Variants in MAK observed in about 807,000 individuals in gnomAD.
MAK encodes male germ cell associated kinase.
A neutral mutation model predicts 82.6 loss-of-function variants in MAK; 65 were observed. That is an observed-to-expected ratio of 0.79 (90% CI 0.64 to 0.97). The LOEUF (loss-of-function observed/expected upper bound fraction) is 0.97, where lower values mean the gene tolerates loss of function less well. Among genes scored for constraint, MAK ranks in the 50% least tolerant of loss-of-function variants. The probability of loss-of-function intolerance (pLI) is 0.00; values close to 1 mark genes in which losing one functional copy is unlikely to be tolerated. For synonymous variants in MAK, 250 were observed against 274.2 expected (o/e 0.91, Z 0.87); for missense variants, 703 against 780.2 (o/e 0.90, Z 1.18).
At chr6:10,792,408 C>T (rs987741315) in intron 9 of MAK, among the ~76,000 whole-genome samples, 3 of 152,218 alleles carry the variant, frequency 2.0e-5, no homozygotes, top group African/African-American at 7.2e-5. Context: ...CTACCCACCA[C>T]CCGATTTCTT....
chr6:10,779,491 T>C (rs1279204920), intron 11 of MAK: 2 of 985,128 alleles, frequency 2.0e-6, no homozygotes, highest in Admixed American at 6.2e-5. Context: ...TATAATGTCA[T>C]GCTGCCCTGC....
intron 14 of MAK, 94 bp from the exon 15 acceptor site, chr6:10,764,700 C>T: frequency 8.2e-7 from 1 of 1,217,378 alleles, no homozygotes; most frequent in Non-Finnish European, 1.2e-6. Flanking sequence ...TGGGGAAAAT[C>T]TGAATTTATG....
chr6:10,769,209 T>G (rs555491187), intron 14 of MAK, among the ~76,000 whole-genome samples: 1 of 152,304 alleles, frequency 6.6e-6, no homozygotes, highest in South Asian at 2.1e-4. Context: ...GCAAGGCTTT[T>G]TCTCTATAAA....
At chr6:10,788,651 G>T (rs1774802853) in intron 10 of MAK, among the ~76,000 whole-genome samples, 1 of 152,048 alleles carries the variant, frequency 6.6e-6, no homozygotes, top group African/African-American at 2.4e-5. Context: ...CAGGAGAATT[G>T]CTTGAACCCT....
Position 10,770,143 on chromosome 6 carries a change from A to G in MAK, c.1760T>C (p.Ile587Thr). ...KKEVQSAGQR[I>T]HLAPLNATAS... Reference sequence around the variant, plus strand: ...CGTTGCATTGAGAGGTGCTAAGTGGATCCTCTGGCCAGCTGACTGCACTTC... The same window carrying G: ...CGTTGCATTGAGAGGTGCTAAGTGGGTCCTCTGGCCAGCTGACTGCACTTC... The change falls in exon 14 of 15, where the codon ATC becomes ACC. Residue 587 changes from isoleucine to threonine, a missense_variant. Physicochemically the swap from Ile to Thr is moderately conservative, Grantham distance 89. Transcript: ENST00000354489. 6.2e-7 allele frequency: 1 copy of G among 1,614,158 alleles called. No individual in the cohort carries two copies. The highest frequency in any genetic ancestry group is 1.1e-5 in the South Asian group (1 of 91,082).
intron 10 of MAK, among the ~76,000 whole-genome samples, chr6:10,789,949 A>G (rs1284261640): frequency 6.6e-6 from 1 of 152,150 alleles, no homozygotes; most frequent in Non-Finnish European, 1.5e-5. Flanking sequence ...GAGCCTCCGC[A>G]CCCAGCCCAA....
At chr6:10,818,134 T>C (rs1777635958) in intron 3 of MAK, among the ~76,000 whole-genome samples, 163 bp from the exon 4 acceptor site, 1 of 152,240 alleles carries the variant, frequency 6.6e-6, no homozygotes. Flanking sequence ...CTTTAAGTAA[T>C]GAACGTTAAG....
chr6:10,795,928 A>G (rs1205018707), intron 9 of MAK, 70 bp downstream of exon 9: 4 of 1,505,910 alleles, frequency 2.7e-6, no homozygotes, highest in Non-Finnish European at 3.7e-6. Context: ...ATTATTAGAA[A>G]TGCCTCGAAA....
chr6:10,813,398 G>A (rs183337602), intron 5 of MAK, among the ~76,000 whole-genome samples: 48 of 150,256 alleles, frequency 3.2e-4, no homozygotes, highest in African/African-American at 9.3e-4. Context: ...CAGGTGATCC[G>A]CCTGCCTTGG....
intron 14 of MAK, among the ~76,000 whole-genome samples, chr6:10,767,586 A>AC: frequency 6.6e-6 from 1 of 152,202 alleles, no homozygotes; most frequent in East Asian, 1.9e-4. Context: ...CAGGCAGATC[A>AC]CGAGGTCAAG....
At chr6:10,790,895 C>T (rs1157505359) in intron 10 of MAK, among the ~76,000 whole-genome samples, 1 of 152,200 alleles carries the variant, frequency 6.6e-6, no homozygotes, top group African/African-American at 2.4e-5. Context: ...AGTTCTCACT[C>T]TGAGTTCATG....
rs1561991914 is a variant in MAK at position 10,815,938 on chromosome 6, AT to A, written c.278+1911del. ...TATATATATATATATATATATATAT[AT>A]ATATATATGTATGTTTTCTTTTTTG... On this transcript the variant is annotated intron_variant, in intron 4 of 14. Transcript: ENST00000354489. 9.9e-5 allele frequency among the ~76,000 whole-genome samples: 13 copies of A among 131,384 alleles called. 2 individuals are homozygous for A. The highest frequency in any genetic ancestry group is 4.1e-4 in the African/African-American group (13 of 31,364). The allele number at this position is 131,384 out of a possible 152,430, so 86.2% of individuals were successfully genotyped here.
At chr6:10,794,601 A>T (rs1224848424) in intron 9 of MAK, among the ~76,000 whole-genome samples, 1 of 152,220 alleles carries the variant, frequency 6.6e-6, no homozygotes, top group Admixed American at 6.5e-5. Flanking sequence ...TTGGGAGTGT[A>T]TACCCAGTGG....
chr6:10,784,942 C>T (rs1285030516), intron 10 of MAK: 1 of 468,028 alleles, frequency 2.1e-6, no homozygotes, highest in South Asian at 1.5e-5. Context: ...AATTTACAAT[C>T]AATGAGGTTG....
At position 10,764,478 on chromosome 6, in the gene MAK, C is replaced by A. The variant is rs567613995; in HGVS notation, c.1921G>T (p.Val641Leu). 1 of 1,613,928 alleles carries A rather than the reference C, an allele frequency of 6.2e-7. No individual in the cohort carries two copies. Among genetic ancestry groups the A allele is most frequent in the Non-Finnish European group, 8.5e-7 (1 of 1,179,996 alleles). Residue 641 changes from valine to leucine, a missense_variant, in exon 15 of 15, where the codon GTG becomes TTG. Coordinates refer to ENST00000354489, the MANE Select transcript of MAK (RefSeq NM_001242957.3). Reference protein sequence around the residue: ...IPSVHGRTDWVAKYGGHR With the variant: ...IPSVHGRTDWLAKYGGHR ...TACCGGTGGCCTCCATACTTGGCCA[C>A]CCAGTCTGTCCTCCCATGCACTGAG...
intron 1 of MAK, among the ~76,000 whole-genome samples, chr6:10,837,433 A>T (rs917557579): frequency 6.6e-6 from 1 of 152,248 alleles, no homozygotes; most frequent in Non-Finnish European, 1.5e-5. Flanking sequence ...CGGTGCCTGC[A>T]GTGGAAGCAG....
rs1447907221 is a variant in MAK, at chr6:10,803,872, A to G, written c.511T>C (p.Leu171=). The G allele has an allele frequency of 6.2e-7, 1 of 1,614,012 alleles. No individual in the cohort carries two copies. The highest frequency in any genetic ancestry group is 1.3e-5 in the African/African-American group (1 of 74,946). Residue 171 remains leucine, a synonymous_variant, in exon 7 of 15, where the codon TTA becomes CTA. Coordinates refer to ENST00000354489, the MANE Select transcript of MAK (RefSeq NM_001242957.3). ...STRWYRAPEV[L]LRSSVYSSPI... is the part of the protein sequence containing the mutation. ...GAACTATAAACTGAAGATCTCAGTA[A>G]AACTTCAGGGGCACGATACCTATGA...
Position 10,801,875 on chromosome 6 carries a change from A to G in MAK, c.831+17T>C. 1.2e-6 allele frequency: 2 copies of G among 1,613,400 alleles called. No individual in the cohort carries two copies. Among genetic ancestry groups the G allele is most frequent in the South Asian group, 2.2e-5 (2 of 91,066 alleles). ...ACCTAAACATTTTTAAAGGTCTAAC[A>G]GGAAGACTCCTCTTACCTGGCTTGC... On this transcript the variant is annotated intron_variant, in intron 8 of 14. Transcript: ENST00000354489.
chr6:10,791,864 G>A lies in MAK; in HGVS notation c.1144-17C>T. The A allele has an allele frequency of 6.2e-7, 1 of 1,613,856 alleles. No individual in the cohort carries two copies. Among genetic ancestry groups the A allele is most frequent in the Non-Finnish European group, 8.5e-7 (1 of 1,179,806 alleles). On this transcript the variant is annotated splice_polypyrimidine_tract_variant and intron_variant, in intron 9 of 14. Transcript: ENST00000354489. ...ATTTGGCTTCTGTGGTGGAAAATCA[G>A]TCATCATAATCTTTAATCATGTACT... is the stretch of plus-strand genomic sequence containing the variant.
Sources: gnomAD v4.1 joint callset for allele counts (sites outside exome capture counted in the v4.1 genomes callset) on GRCh38, gnomAD v4.1.1 for gene constraint, MANE v1.5 for transcripts, NCBI Gene and HGNC (gene_info 2026-07-23, HGNC 2026-07-21) for gene names.